The following C1QTNF9 variants were observed in gnomAD, a reference collection of about 807,000 sequenced individuals.
The protein encoded by C1QTNF9 is C1q and TNF related 9, also known as complement C1q and tumor necrosis factor-related protein 9A.
In C1QTNF9, 6 loss-of-function variants were observed where a neutral mutation model predicts 10.1. The ratio of observed to expected loss-of-function variants is 0.59; its 90% confidence interval spans 0.32 to 1.17. C1QTNF9 has a LOEUF of 1.17. Ranked by LOEUF, C1QTNF9 falls within the 50% of genes most tolerant of loss-of-function variation. The probability of loss-of-function intolerance (pLI) is 0.04; values close to 1 mark genes in which losing one functional copy is unlikely to be tolerated. For missense variants in C1QTNF9, 201 were observed against 418.8 expected (o/e 0.48, Z 4.54); for synonymous variants, 98 against 163.5 (o/e 0.60, Z 3.06).
exon 4 of C1QTNF9, chr13:24,322,088 ATCCC>A (rs1412270539): frequency 3.8e-6 from 1 of 261,396 alleles, no homozygotes; most frequent in African/African-American, 2.2e-5. Context: ...ATGAAGATGT[ATCCC>A]TCATCTGTGT....
chr13:24,312,453 G>T (rs1473165046), intron 1 of C1QTNF9, among the ~76,000 whole-genome samples: 1 of 152,160 alleles, frequency 6.6e-6, no homozygotes, highest in Non-Finnish European at 1.5e-5. Flanking sequence ...ACCAGACCCA[G>T]AAATTAAAAG....
chr13:24,315,510 C>T (rs1877988589), intron 1 of C1QTNF9, among the ~76,000 whole-genome samples: 1 of 152,174 alleles, frequency 6.6e-6, no homozygotes, highest in South Asian at 2.1e-4. Flanking sequence ...GACATCTGTT[C>T]CAGTCCTTGC....
chr13:24,320,346 A>G (rs1010507971), intron 3 of C1QTNF9, among the ~76,000 whole-genome samples: 1 of 152,158 alleles, frequency 6.6e-6, no homozygotes, highest in African/African-American at 2.4e-5. Context: ...GTGTGTGTCC[A>G]TGTGCACACA....
upstream of C1QTNF9, among the ~76,000 whole-genome samples, chr13:24,309,305 A>ATATATATATATATATATATATATG (rs1283012806): frequency 3.0e-5 from 4 of 132,342 alleles, no homozygotes; most frequent in African/African-American, 1.2e-4. Flanking sequence ...ATATATATAT[A>ATATATATATATATATATATATATG]TATGAAAGAA....
chr13:24,321,799 T>C, exon 4 of C1QTNF9: 1 of 1,520,736 alleles, frequency 6.6e-7, no homozygotes, highest in Non-Finnish European at 8.8e-7. Flanking sequence ...CGCCACACCA[T>C]CCATCAGAAT....
intron 1 of C1QTNF9, among the ~76,000 whole-genome samples, chr13:24,313,609 C>T (rs538687601): frequency 6.6e-6 from 1 of 152,304 alleles, no homozygotes; most frequent in East Asian, 1.9e-4. Context: ...ATCTGCATTT[C>T]CTTTCCCAAA....
exon 2 of C1QTNF9, chr13:24,315,995 A>T (rs373062137): frequency 5.9e-5 from 95 of 1,613,700 alleles, no homozygotes; most frequent in Non-Finnish European, 7.7e-5. Flanking sequence ...AGAGTCTGTC[A>T]TCTGAACCAT....
chr13:24,319,193 G>T (rs1331395165), intron 3 of C1QTNF9, among the ~76,000 whole-genome samples: 3 of 152,216 alleles, frequency 2.0e-5, no homozygotes, highest in South Asian at 2.1e-4. Flanking sequence ...ACTGAAATGG[G>T]AATTTCCCAT....
chr13:24,311,803 AG>A (rs1341076647), intron 1 of C1QTNF9, among the ~76,000 whole-genome samples: 1 of 152,230 alleles, frequency 6.6e-6, no homozygotes, highest in African/African-American at 2.4e-5. Context: ...ATCTGAGGCC[AG>A]GGGTTTTTCT....
At chr13:24,321,845 T>C (rs574950445) in exon 4 of C1QTNF9, 69 of 1,435,250 alleles carry the variant, frequency 4.8e-5, no homozygotes, top group Non-Finnish European at 3.8e-5. Context: ...GGTTTTACTT[T>C]ATTAATTCCT....
intron 1 of C1QTNF9, 136 bp from the exon 2 acceptor site, chr13:24,315,846 C>T (rs1877999915): frequency 1.1e-6 from 1 of 906,256 alleles, no homozygotes; most frequent in African/African-American, 1.7e-5. Flanking sequence ...TGCCCTGAGC[C>T]TTCTGTCCAA....
At chr13:24,322,053 T>G in exon 4 of C1QTNF9, 1 of 351,726 alleles carries the variant, frequency 2.8e-6, no homozygotes, top group East Asian at 6.0e-5. Context: ...TGTTTTAATA[T>G]CATTTTAGTG....
intron 1 of C1QTNF9, among the ~76,000 whole-genome samples, chr13:24,313,501 G>C (rs1450835297): frequency 2.0e-5 from 3 of 152,198 alleles, no homozygotes; most frequent in Non-Finnish European, 4.4e-5. Flanking sequence ...TCTGAGTTTA[G>C]CAAAGGAGGC....
intron 1 of C1QTNF9, among the ~76,000 whole-genome samples, chr13:24,314,944 C>G (rs578247443): frequency 9.8e-4 from 148 of 151,470 alleles, no homozygotes; most frequent in African/African-American, 3.5e-3. Flanking sequence ...CCTAGAAAAA[C>G]AAGACCCTGA....
intron 1 of C1QTNF9, among the ~76,000 whole-genome samples, chr13:24,310,941 T>C (rs986962422): frequency 1.0e-4 from 15 of 149,794 alleles, no homozygotes; most frequent in African/African-American, 3.7e-4. Context: ...AAAGATATGT[T>C]GAAGAAATGT....
At chr13:24,318,148 C>T (rs1004151865) in intron 2 of C1QTNF9, among the ~76,000 whole-genome samples, 1 of 152,170 alleles carries the variant, frequency 6.6e-6, no homozygotes, top group Non-Finnish European at 1.5e-5. Flanking sequence ...CTGCCATAGC[C>T]AGAGCCACCT....
chr13:24,312,331 G>C (rs536383334), intron 1 of C1QTNF9, among the ~76,000 whole-genome samples: 26 of 151,926 alleles, frequency 1.7e-4, no homozygotes, highest in African/African-American at 6.3e-4. Context: ...GTGGTGTACA[G>C]AGTAAGTGGG....
chr13:24,319,050 G>A (rs1878151005), intron 3 of C1QTNF9, among the ~76,000 whole-genome samples, 170 bp downstream of exon 3: 1 of 152,064 alleles, frequency 6.6e-6, no homozygotes, highest in Non-Finnish European at 1.5e-5. Context: ...AGAGGGCTGG[G>A]TAGTAAATAT....
intron 2 of C1QTNF9, 78 bp downstream of exon 2, chr13:24,316,247 A>AT: frequency 2.0e-6 from 3 of 1,490,208 alleles, no homozygotes; most frequent in South Asian, 1.2e-5. Context: ...CATCTGTGTG[A>AT]TTTTCCACCT....
Sources: allele counts gnomAD v4.1 joint callset (sites outside exome capture counted in the v4.1 genomes callset), GRCh38; gene constraint gnomAD v4.1.1; transcripts MANE v1.5; gene names NCBI Gene and HGNC (gene_info 2026-07-23, HGNC 2026-07-21).